The following TRMT1L variants were observed in gnomAD, a reference collection of about 807,000 sequenced individuals.
The protein encoded by TRMT1L is tRNA (guanine(27)-N(2))-dimethyltransferase.
TRMT1L carries 28 observed loss-of-function variants against 81.6 expected under a neutral mutation model. The ratio of observed to expected loss-of-function variants is 0.34; its 90% confidence interval spans 0.25 to 0.47. The LOEUF (loss-of-function observed/expected upper bound fraction) is 0.47, where lower values mean the gene tolerates loss of function less well. Ranked by LOEUF, TRMT1L falls within the 20% of genes least tolerant of loss-of-function variation. TRMT1L has a pLI of 1.00. For missense variants in TRMT1L, 739 were observed against 877.1 expected (o/e 0.84, Z 1.99); for synonymous variants, 301 against 303.2 (o/e 0.99, Z 0.07).
At position 185,156,923 on chromosome 1, in the gene TRMT1L, C is replaced by T; in HGVS notation, c.-211G>A. The T allele has an allele frequency of 3.1e-6, 2 of 644,964 alleles. No homozygotes were observed. Among genetic ancestry groups the T allele is most frequent in the Non-Finnish European group, 5.0e-6 (2 of 401,200 alleles). The allele number at this position is 644,964 out of a possible 1,614,324, so 40.0% of individuals were successfully genotyped here. A position where few individuals can be genotyped will look rare whatever the true frequency, so the allele number is the denominator to read the frequency against. On this transcript the variant is annotated 5_prime_UTR_variant, in exon 1 of 15. Coordinates refer to ENST00000367506, the MANE Select transcript of TRMT1L (RefSeq NM_030934.5). ...AAGCCAGAGGCAGCGATTCCAGATG[C>T]CCGTCCGCTTCCCTTTCCCCGAGGC...
At chr1:185,134,023 A>T (rs1417196217) in intron 10 of TRMT1L, among the ~76,000 whole-genome samples, 2 of 152,204 alleles carry the variant, frequency 1.3e-5, no homozygotes, top group African/African-American at 4.8e-5. Context: ...TAAAAAGCCA[A>T]ATACTCTTTT....
At position 185,123,903 on chromosome 1, in the gene TRMT1L, A is replaced by G. The variant is rs910038420; in HGVS notation, c.1776T>C (p.Phe592=). ...TTGTGGTGTCATCTGTAGTTTTAAT[A>G]AATACACCATTTTCTTCTAAAAAAT... The part of the protein sequence containing the change: ...NVNKQEENGV[F]IKTTDDTTTD... Residue 592 remains phenylalanine (F), a synonymous_variant, in exon 13 of 15, where the codon TTT becomes TTC. Transcript: ENST00000367506. 6.6e-6 allele frequency: 10 copies of G among 1,507,200 alleles called. No homozygotes were observed. Among genetic ancestry groups the G allele is most frequent in the Non-Finnish European group, 8.9e-6 (10 of 1,124,234 alleles). 93.4% of individuals were successfully genotyped at this position (1,507,200 alleles called of 1,614,324 possible).
chr1:185,147,232 T>G lies in TRMT1L; in HGVS notation c.475A>C (p.Ile159Leu), dbSNP rs915813047. 1 of 1,607,960 alleles carries G rather than the reference T, an allele frequency of 6.2e-7. No homozygotes were observed. Among genetic ancestry groups the G allele is most frequent in the Admixed American group, 1.7e-5 (1 of 59,688 alleles). Residue 159 changes from isoleucine to leucine, a missense_variant, in exon 4 of 15, where the codon ATC becomes CTC. By Grantham distance (5) the Ile-to-Leu change is conservative. Transcript: ENST00000367506. Reference protein sequence around the residue: ...SVEFEGYRMCICHLPCRPVKP... With the variant: ...SVEFEGYRMCLCHLPCRPVKP... ...ACTGGTCGACAAGGTAAGTGACAGA[T>G]GCACATCCTGTAACCTAAAATAAAG... is the stretch of plus-strand genomic sequence containing the variant.
At chr1:185,123,828 C>T (rs556324057) in intron 13 of TRMT1L, 29 bp downstream of exon 13, 4 of 1,377,200 alleles carry the variant, frequency 2.9e-6, no homozygotes, top group Non-Finnish European at 3.9e-6. Context: ...CTGATATGTA[C>T]ATATGTACAC....
At chr1:185,135,598 A>G (rs1231438349) in intron 10 of TRMT1L, among the ~76,000 whole-genome samples, 1 of 152,040 alleles carries the variant, frequency 6.6e-6, no homozygotes, top group African/African-American at 2.4e-5. Flanking sequence ...CCCTATGTAA[A>G]TAAAACAGAA....
At chr1:185,129,513 C>G (rs761625990) in intron 10 of TRMT1L, among the ~76,000 whole-genome samples, 58 of 152,146 alleles carry the variant, frequency 3.8e-4, no homozygotes, top group Admixed American at 5.9e-4. Context: ...CATTCAAGGC[C>G]CAAATAGTCA....
rs777898690 is a variant in TRMT1L, at chr1:185,144,002, A to G, written c.683T>C (p.Ile228Thr). Reference sequence around the variant, plus strand: ...TACATCCGTGTCTGCCTCTTTCAAAATTTCCTTAGGTGGTTTAGCAGTGGA... The same window carrying G: ...TACATCCGTGTCTGCCTCTTTCAAAGTTTCCTTAGGTGGTTTAGCAGTGGA... ...AASTAKPPKE[I>T]LKEADTDVQV... The change falls in exon 6 of 15, where the codon ATT (isoleucine) becomes ACT (threonine). Residue 228 changes from isoleucine (I) to threonine (T), a missense_variant. This residue lies in a region of TRMT1L where 331 missense variants were observed against 462.2 expected (regional missense o/e 0.72). Coordinates refer to ENST00000367506, the MANE Select transcript of TRMT1L (RefSeq NM_030934.5). The G allele has an allele frequency of 9.9e-6, 16 of 1,608,092 alleles. No homozygotes were observed. In the East Asian group the frequency reaches 3.4e-4, roughly 34 times the overall value.
At chr1:185,123,289 C>T (rs1034839406) in intron 13 of TRMT1L, among the ~76,000 whole-genome samples, 10 of 152,288 alleles carry the variant, frequency 6.6e-5, no homozygotes, top group African/African-American at 2.4e-4. Flanking sequence ...ACTCAAAAAA[C>T]ACATCTAGAA....
intron 14 of TRMT1L, 45 bp downstream of exon 14, chr1:185,120,338 T>G: frequency 6.9e-7 from 1 of 1,447,762 alleles, no homozygotes. Flanking sequence ...ACAATATTAT[T>G]AAAATATAAA....
rs764089275 is a variant in TRMT1L at position 185,156,682 on chromosome 1, G to A, written c.31C>T (p.Pro11Ser). Residue 11 changes from proline (P) to serine (S), a missense_variant, in exon 1 of 15, where the codon CCC (proline) becomes TCC (serine). Pro to Ser is a moderately conservative substitution (Grantham distance 74). Transcript: ENST00000367506. ...ACCTCCACCTCCTCCTTCTCCAGGG[G>A]CAGCAGCTCCTCCTCCGCCATATTC... is the stretch of plus-strand genomic sequence containing the variant. MENMAEEELL[P>S]LEKEEVEVAQ... The A allele has an allele frequency of 2.5e-6, 4 of 1,612,384 alleles. No homozygotes were observed. In the South Asian group the frequency reaches 4.4e-5, roughly 18 times the overall value.
chr1:185,125,025 T>C lies in TRMT1L; in HGVS notation c.1678A>G (p.Ile560Val). ...HHGLDDIQTL[I>V]KTLIFESECT... is the part of the protein sequence containing the mutation. ...TCTGATTCAAAGATTAATGTCTTTA[T>C]TAGGGTCTGAATGTCATCCAAACCA... The change falls in exon 12 of 15, where the codon ATA becomes GTA. Residue 560 changes from isoleucine (I) to valine (V), a missense_variant. This residue lies in a region of TRMT1L where 196 missense variants were observed against 232.6 expected (regional missense o/e 0.84). Coordinates refer to ENST00000367506, the MANE Select transcript of TRMT1L (RefSeq NM_030934.5). 6.2e-7 allele frequency: 1 copy of C among 1,613,392 alleles called. No homozygotes were observed. The highest frequency in any genetic ancestry group is 1.1e-5 in the South Asian group (1 of 91,000).
intron 1 of TRMT1L, among the ~76,000 whole-genome samples, chr1:185,153,416 T>C (rs1456798703): frequency 6.6e-6 from 1 of 151,954 alleles, no homozygotes; most frequent in East Asian, 1.9e-4. Context: ...GAATAAATGG[T>C]AAGGGGAATC....
intron 9 of TRMT1L, among the ~76,000 whole-genome samples, chr1:185,138,641 CTG>C (rs2102244026): frequency 6.6e-6 from 1 of 152,258 alleles, no homozygotes; most frequent in African/African-American, 2.4e-5. Flanking sequence ...TAAAAAATAA[CTG>C]TTTTCAAATT....
intron 10 of TRMT1L, among the ~76,000 whole-genome samples, chr1:185,131,893 C>A (rs567309109): frequency 1.3e-5 from 2 of 152,162 alleles, no homozygotes; most frequent in East Asian, 3.8e-4. Context: ...GTAATCCCAG[C>A]ACTTTGGGGA....
At chr1:185,125,940 T>C (rs1249418268) in intron 11 of TRMT1L, among the ~76,000 whole-genome samples, 1 of 152,016 alleles carries the variant, frequency 6.6e-6, no homozygotes, top group Non-Finnish European at 1.5e-5. Flanking sequence ...AGCACATATA[T>C]GAGAATTATA....
chr1:185,156,528 G>A lies in TRMT1L; in HGVS notation c.185C>T (p.Ala62Val), dbSNP rs758595229. The change falls in exon 1 of 15, where the codon GCT (alanine) becomes GTT (valine). Residue 62 changes from alanine (A) to valine (V), a missense_variant. Transcript: ENST00000367506. ...GGCTAGGGACGGGGACAGGGCCGGA[G>A]CCTGGGCCAGGGCAGGGGCTGGGGC... ...APAPAPALAQ[A>V]PALSPSLASA... 9 of 1,613,000 alleles carry A rather than the reference G, an allele frequency of 5.6e-6. No individual in the cohort carries two copies. The highest frequency in any genetic ancestry group is 2.2e-5 in the East Asian group (1 of 44,848).
chr1:185,151,817 G>T lies in TRMT1L; in HGVS notation c.346+8C>A. 2.0e-6 allele frequency: 3 copies of T among 1,520,182 alleles called. No homozygotes were observed. Among genetic ancestry groups the T allele is most frequent in the Non-Finnish European group, 2.6e-6 (3 of 1,133,162 alleles). 94.2% of individuals were successfully genotyped at this position (1,520,182 alleles called of 1,614,324 possible). The stretch of plus-strand genomic sequence containing the variant: ...TAAGAAAAAAAAAAAACCCAAACAT[G>T]GAAATACCTGCATCAAGATTATCTG... On this transcript the variant is annotated splice_region_variant and intron_variant, in intron 2 of 14. Coordinates refer to ENST00000367506, the MANE Select transcript of TRMT1L (RefSeq NM_030934.5).
In TRMT1L at chr1:185,139,380, C is replaced by T. The variant is rs1652979503; in HGVS notation, c.1309G>A (p.Ala437Thr). ...GCAATTTGGTACCTTGCCACTGCAG[C>T]TACAACAATTCTGGCTGCTAGTTCC... ...YKELAARIVV[A>T]AVARAAARCN... is the part of the protein sequence containing the mutation. The change falls in exon 9 of 15, where the codon GCT (alanine) becomes ACT (threonine). Residue 437 changes from alanine (A) to threonine (T), a missense_variant. Transcript: ENST00000367506. 2 of 1,613,338 alleles carry T rather than the reference C, an allele frequency of 1.2e-6. No homozygotes were observed. Among genetic ancestry groups the T allele is most frequent in the African/African-American group, 2.7e-5 (2 of 74,920 alleles).
chr1:185,144,181 G>A, intron 5 of TRMT1L, 152 bp from the exon 6 acceptor site: 1 of 882,890 alleles, frequency 1.1e-6, no homozygotes, highest in East Asian at 2.9e-5. Context: ...AATGCAAACG[G>A]TTTGGCAGAT....
Sources: allele counts gnomAD v4.1 joint callset (sites outside exome capture counted in the v4.1 genomes callset), GRCh38; gene constraint gnomAD v4.1.1; regional missense constraint gnomAD v4.1.1; transcripts MANE v1.5; gene names NCBI Gene and HGNC (gene_info 2026-07-23, HGNC 2026-07-21).